The following CLNK variants were observed in gnomAD, a reference collection of about 807,000 sequenced individuals.
CLNK encodes the protein cytokine dependent hematopoietic cell linker.
Under a neutral mutation model 68.6 loss-of-function variants are expected in CLNK, and 74 were observed. The ratio of observed to expected loss-of-function variants is 1.08; its 90% CI spans 0.89 to 1.31. The LOEUF (loss-of-function observed/expected upper bound fraction) is 1.31. Among genes scored for constraint, CLNK ranks in the 50% most tolerant of loss-of-function variants. The probability of loss-of-function intolerance (pLI) is 0.00; values close to 1 mark genes in which losing one functional copy is unlikely to be tolerated. For missense variants in CLNK, 553 were observed against 515.3 expected (o/e 1.07, Z -0.71); for synonymous variants, 198 against 172.2 (o/e 1.15, Z -1.17).
chr4:10,728,092 A>G, the CLNK span, among the ~76,000 whole-genome samples: 1 of 152,264 alleles, frequency 6.6e-6, no homozygotes, highest in African/African-American at 2.4e-5. Context: ...AGAACTGGGG[A>G]AAGGCTTCTG....
the CLNK span, among the ~76,000 whole-genome samples, chr4:10,700,603 C>T: frequency 6.6e-6 from 1 of 152,154 alleles, no homozygotes; most frequent in African/African-American, 2.4e-5. Flanking sequence ...AGAAGGATTT[C>T]TTAGTTATGC....
chr4:10,508,126 C>T (rs567498199), intron 16 of CLNK, 90 bp from the exon 17 acceptor site: 1 of 961,794 alleles, frequency 1.0e-6, no homozygotes. Context: ...TTTGCTCCAC[C>T]AGTGCCTAAT....
the CLNK span, among the ~76,000 whole-genome samples, chr4:10,720,203 C>T: frequency 6.6e-6 from 1 of 151,852 alleles, no homozygotes; most frequent in East Asian, 1.9e-4. Context: ...CAATACAGAA[C>T]AGAAACAAAT....
chr4:10,497,280 A>T (rs1172030153), intron 18 of CLNK, among the ~76,000 whole-genome samples: 1 of 152,090 alleles, frequency 6.6e-6, no homozygotes, highest in African/African-American at 2.4e-5. Flanking sequence ...ACCCCACCAA[A>T]ACTCAGGATT....
intron 2 of CLNK, among the ~76,000 whole-genome samples, chr4:10,643,814 C>T (rs1310401922): frequency 6.6e-6 from 1 of 152,232 alleles, no homozygotes; most frequent in Non-Finnish European, 1.5e-5. Flanking sequence ...GCCCAAACCA[C>T]ATCAAATATC....
upstream of CLNK, among the ~76,000 whole-genome samples, chr4:10,686,085 C>T (rs1377056523): frequency 2.6e-5 from 4 of 152,100 alleles, no homozygotes; most frequent in African/African-American, 7.2e-5. Context: ...ATCAAGGAGT[C>T]GGCAAGGTTG....
chr4:10,636,658 G>C (rs1723104347), intron 2 of CLNK, among the ~76,000 whole-genome samples: 1 of 152,182 alleles, frequency 6.6e-6, no homozygotes, highest in Admixed American at 6.5e-5. Context: ...GCACGCCAAG[G>C]CATGGAGACA....
At chr4:10,497,592 G>A (rs1716866010) in intron 18 of CLNK, among the ~76,000 whole-genome samples, 1 of 152,232 alleles carries the variant, frequency 6.6e-6, no homozygotes, top group Non-Finnish European at 1.5e-5. Context: ...AAGATAGTCA[G>A]TGAACCGGCT....
chr4:10,535,075 G>A (rs774757335), intron 11 of CLNK, among the ~76,000 whole-genome samples: 1 of 152,080 alleles, frequency 6.6e-6, no homozygotes, highest in Admixed American at 6.6e-5. Flanking sequence ...CTGGCTGGCC[G>A]TGTTGCTTCA....
chr4:10,665,546 C>A (rs1724362439), intron 2 of CLNK, among the ~76,000 whole-genome samples: 1 of 151,712 alleles, frequency 6.6e-6, no homozygotes, highest in African/African-American at 2.4e-5. Flanking sequence ...CACCTGTAAT[C>A]CCAGCTACTC....
intron 4 of CLNK, among the ~76,000 whole-genome samples, chr4:10,577,948 C>T (rs144345719): frequency 2.4e-4 from 36 of 152,226 alleles, no homozygotes; most frequent in African/African-American, 8.4e-4. Flanking sequence ...GGAGCTGAGT[C>T]GAGAAGTTTT....
intron 18 of CLNK, among the ~76,000 whole-genome samples, chr4:10,494,774 A>C (rs1716741076): frequency 6.6e-6 from 1 of 152,036 alleles, no homozygotes; most frequent in Non-Finnish European, 1.5e-5. Flanking sequence ...CTTTCTTATT[A>C]TTGGTTTCTA....
intron 11 of CLNK, among the ~76,000 whole-genome samples, chr4:10,535,836 T>C (rs901695129): frequency 6.6e-6 from 1 of 152,114 alleles, no homozygotes; most frequent in African/African-American, 2.4e-5. Flanking sequence ...TTATTTAAGT[T>C]GAAAAAAATG....
the CLNK span, among the ~76,000 whole-genome samples, chr4:10,729,257 A>G: frequency 1.3e-5 from 2 of 152,188 alleles, no homozygotes; most frequent in Non-Finnish European, 1.5e-5. Context: ...TAAAAAGTCA[A>G]AAAATAACAG....
the CLNK span, among the ~76,000 whole-genome samples, chr4:10,729,001 G>A: frequency 6.6e-6 from 1 of 152,060 alleles, no homozygotes; most frequent in African/African-American, 2.4e-5. Flanking sequence ...TTATTCTGTG[G>A]AATCATATCT....
chr4:10,552,927 T>A (rs1719517909), intron 8 of CLNK, among the ~76,000 whole-genome samples: 3 of 152,170 alleles, frequency 2.0e-5, no homozygotes, highest in Admixed American at 2.0e-4. Context: ...CAATTTCATG[T>A]TTATTATTAA....
At chr4:10,594,107 C>G (rs1721294371) in intron 3 of CLNK, among the ~76,000 whole-genome samples, 1 of 152,188 alleles carries the variant, frequency 6.6e-6, no homozygotes, top group Non-Finnish European at 1.5e-5. Context: ...GTTCCACACC[C>G]ACTCTTCTGC....
chr4:10,723,824 A>G, the CLNK span, among the ~76,000 whole-genome samples: 1 of 151,732 alleles, frequency 6.6e-6, no homozygotes, highest in African/African-American at 2.4e-5. Flanking sequence ...GATCACATTA[A>G]TCTGTGTTCA....
At chr4:10,683,222 C>T (rs925124379) in intron 1 of CLNK, among the ~76,000 whole-genome samples, 12 of 152,150 alleles carry the variant, frequency 7.9e-5, no homozygotes, top group Non-Finnish European at 1.6e-4. Context: ...GCGTCAAATC[C>T]TACAGTCTTT....
Sources: allele counts gnomAD v4.1 joint callset (sites outside exome capture counted in the v4.1 genomes callset), GRCh38; gene constraint gnomAD v4.1.1; transcripts MANE v1.5; gene names NCBI Gene and HGNC (gene_info 2026-07-23, HGNC 2026-07-21).